INPP5A: variants seen among roughly 807,000 people sequenced by gnomAD.
INPP5A encodes 43 kDa inositol polyphosphate 5-phophatase.
INPP5A carries 14 observed loss-of-function variants against 65.2 expected under a neutral mutation model. The ratio of observed to expected loss-of-function variants is 0.21; its 90% CI spans 0.14 to 0.34. The LOEUF (loss-of-function observed/expected upper bound fraction) is 0.34, where lower values mean the gene tolerates loss of function less well. INPP5A is among the 10% of genes least tolerant of loss of function. INPP5A has a pLI of 1.00. For synonymous variants in INPP5A, 207 were observed against 208.3 expected, an observed-to-expected ratio of 0.99 and a Z score of 0.05; for missense variants, 431 against 545.6, an observed-to-expected ratio of 0.79 and a Z score of 2.09.
intron 7 of INPP5A, among the ~76,000 whole-genome samples, chr10:132,709,012 A>G (rs1462406223): frequency 2.0e-5 from 3 of 151,804 alleles, no homozygotes; most frequent in Admixed American, 6.6e-5. Flanking sequence ...ATCTGCTGCC[A>G]TGTAACAGAC....
chr10:132,720,231 A>G (rs528722134), intron 8 of INPP5A, among the ~76,000 whole-genome samples: 3,054 of 111,004 alleles, frequency 0.028, 109 homozygotes, highest in African/African-American at 0.096. Context: ...CTGTCTGGGC[A>G]CCTTAGACGG....
chr10:132,688,001 G>T (rs1213916897), intron 4 of INPP5A, among the ~76,000 whole-genome samples: 9 of 152,202 alleles, frequency 5.9e-5, no homozygotes, highest in Admixed American at 1.3e-4. Context: ...CTGGTGAGGT[G>T]TCCATGTGGC....
At chr10:132,586,606 C>T (rs557815260) in intron 1 of INPP5A, among the ~76,000 whole-genome samples, 13 of 152,340 alleles carry the variant, frequency 8.5e-5, no homozygotes, top group Admixed American at 2.0e-4. Context: ...TGGCCGGTGA[C>T]GACGGGCTCC....
intron 12 of INPP5A, 23 bp from the exon 13 acceptor site, chr10:132,777,648 C>T (rs754435001): frequency 6.2e-7 from 1 of 1,606,988 alleles, no homozygotes; most frequent in African/African-American, 1.3e-5. Context: ...GCCGGCTGAC[C>T]CTCTGCCTTC....
At chr10:132,754,271 C>T (rs928449861) in intron 11 of INPP5A, among the ~76,000 whole-genome samples, 11 of 152,254 alleles carry the variant, frequency 7.2e-5, no homozygotes, top group African/African-American at 2.7e-4. Context: ...GTAAAGACCG[C>T]GTGTTTGGAG....
chr10:132,638,482 C>T (rs761260706), intron 2 of INPP5A, among the ~76,000 whole-genome samples: 41 of 152,356 alleles, frequency 2.7e-4, no homozygotes, highest in Non-Finnish European at 5.1e-4. Flanking sequence ...GGGGCAGTCC[C>T]GGAGCCCGAG....
rs567721368 is a variant in INPP5A at position 132,640,592 on chromosome 10, G to T, written c.118-5276G>T. Among the ~76,000 whole-genome samples, 3 of 152,356 alleles carry T rather than the reference G, an allele frequency of 2.0e-5. No homozygotes were observed. In the East Asian group the frequency reaches 5.8e-4, roughly 29 times the overall value. On this transcript the variant is annotated intron_variant, in intron 2 of 15. Transcript: ENST00000368594. ...CAGGCTCTGACTCCCGGCGCTGCCTGTCTGCCTCTCTTTACCTCTCAGCCT... is the reference window on the plus strand; with the variant it reads ...CAGGCTCTGACTCCCGGCGCTGCCTTTCTGCCTCTCTTTACCTCTCAGCCT...
intron 12 of INPP5A, among the ~76,000 whole-genome samples, chr10:132,768,602 T>G (rs886710871): frequency 5.9e-5 from 9 of 152,182 alleles, no homozygotes; most frequent in African/African-American, 1.7e-4. Flanking sequence ...TCAGGACACG[T>G]TGGCCTTCCT....
intron 4 of INPP5A, among the ~76,000 whole-genome samples, chr10:132,688,007 G>A (rs1325584437): frequency 6.6e-6 from 1 of 152,218 alleles, no homozygotes; most frequent in Admixed American, 6.5e-5. Flanking sequence ...AGGTGTCCAT[G>A]TGGCCAGCGT....
At position 132,547,019 on chromosome 10, in the gene INPP5A, C is replaced by G. The variant is rs2070983515; in HGVS notation, c.75+8848C>G. On this transcript the variant is annotated intron_variant, in intron 1 of 15. Transcript: ENST00000368594. The surrounding 1 kb of genome is among the most constrained non-coding windows in gnomAD (Gnocchi z 5.5). ...GGGTCCCGCATGACTGGTCCTCATTCCAGGAACCAGAGGAGATTGAAGAAC... is the reference window on the plus strand; with the variant it reads ...GGGTCCCGCATGACTGGTCCTCATTGCAGGAACCAGAGGAGATTGAAGAAC... Among the ~76,000 whole-genome samples, 1 of 152,232 alleles carries G rather than the reference C, an allele frequency of 6.6e-6. No homozygotes were observed. The highest frequency in any genetic ancestry group is 2.4e-5 in the African/African-American group (1 of 41,466).
intron 2 of INPP5A, among the ~76,000 whole-genome samples, chr10:132,610,688 T>C (rs1194028423): frequency 9.9e-5 from 15 of 152,230 alleles, no homozygotes; most frequent in Admixed American, 9.8e-4. Flanking sequence ...GCCATCCACA[T>C]CCCACTGATG....
At chr10:132,607,043 T>A (rs111975846) in intron 1 of INPP5A, among the ~76,000 whole-genome samples, 9 of 152,202 alleles carry the variant, frequency 5.9e-5, no homozygotes, top group Non-Finnish European at 1.3e-4. Flanking sequence ...GGGCGGCTTG[T>A]GCTGAGTGCT....
In INPP5A at chr10:132,545,253, A is replaced by G. The variant is rs893990596; in HGVS notation, c.75+7082A>G. Reference sequence around the variant, plus strand: ...CGTGGACTTGTTGGGTCTGATTCAGAAGTTACAGAAATCCAGACCCAGGCC... The same window carrying G: ...CGTGGACTTGTTGGGTCTGATTCAGGAGTTACAGAAATCCAGACCCAGGCC... On this transcript the variant is annotated intron_variant, in intron 1 of 15. Coordinates refer to ENST00000368594, the MANE Select transcript of INPP5A (RefSeq NM_005539.5). The surrounding 1 kb of genome is among the most constrained non-coding windows in gnomAD (Gnocchi z 4.6). 8.5e-5 allele frequency among the ~76,000 whole-genome samples: 13 copies of G among 152,098 alleles called. No homozygotes were observed. The highest frequency in any genetic ancestry group is 1.2e-4 in the Non-Finnish European group (8 of 67,964).
rs1233602029 is a variant in INPP5A, at chr10:132,782,500, A to AG, written c.*476dup. The AG allele has an allele frequency of 5.3e-6, 1 of 186,938 alleles. No individual in the cohort carries two copies. Among genetic ancestry groups the AG allele is most frequent in the Non-Finnish European group, 1.1e-5 (1 of 87,720 alleles). 11.6% of individuals were successfully genotyped at this position (186,938 alleles called of 1,614,324 possible). ...CGGCAGCGTGGCCCTGAGCATGGCA[A>AG]GGGGGTCTGTCTCTGCCGATGCTCC... On this transcript the variant is annotated 3_prime_UTR_variant, in exon 16 of 16. Transcript: ENST00000368594. This position sits in a 1 kb window ranked among gnomAD's most constrained non-coding sequence, Gnocchi z 4.4.
At chr10:132,757,531 C>T (rs1000648531) in intron 11 of INPP5A, among the ~76,000 whole-genome samples, 2 of 152,240 alleles carry the variant, frequency 1.3e-5, no homozygotes, top group Non-Finnish European at 2.9e-5. Flanking sequence ...AGCGTACACG[C>T]GCTGTGATGT....
At chr10:132,739,063 G>A (rs1846228349) in intron 9 of INPP5A, among the ~76,000 whole-genome samples, 1 of 152,164 alleles carries the variant, frequency 6.6e-6, no homozygotes, top group African/African-American at 2.4e-5. Context: ...AGTGTCTGAG[G>A]GCCCGCCCCG....
At chr10:132,730,121 T>TC (rs1244634668) in intron 9 of INPP5A, among the ~76,000 whole-genome samples, 2 of 152,170 alleles carry the variant, frequency 1.3e-5, no homozygotes, top group African/African-American at 2.4e-5. Context: ...TCCTCTCAGT[T>TC]CCCCCACAGT....
At chr10:132,611,953 G>A (rs1394413686) in intron 2 of INPP5A, among the ~76,000 whole-genome samples, 18 of 143,420 alleles carry the variant, frequency 1.3e-4, no homozygotes, top group Non-Finnish European at 2.6e-4. Flanking sequence ...AGAGGAGGGT[G>A]TGGGAGGTGA....
intron 1 of INPP5A, 42 bp from the exon 2 acceptor site, chr10:132,607,873 C>T: frequency 6.3e-7 from 1 of 1,582,026 alleles, no homozygotes; most frequent in Non-Finnish European, 8.6e-7. Context: ...TAGGGCTGTG[C>T]CATTGGTCTG....
Sources: gnomAD v4.1 joint callset for allele counts (sites outside exome capture counted in the v4.1 genomes callset) on GRCh38, gnomAD v4.1.1 for gene constraint, Gnocchi (gnomAD v3.1) non-coding constraint, MANE v1.5 for transcripts, NCBI Gene and HGNC (gene_info 2026-07-23, HGNC 2026-07-21) for gene names.